The following TNFSF4 variants were observed in gnomAD, a reference collection of about 807,000 sequenced individuals.
The protein encoded by TNFSF4 is tumor necrosis factor ligand superfamily member 4.
In TNFSF4, 4 loss-of-function variants were observed where a neutral mutation model predicts 7.3. The observed-to-expected ratio is 0.55, with a 90% CI of 0.27 to 1.25. TNFSF4 has a LOEUF of 1.25. Ranked by LOEUF, TNFSF4 falls within the 50% of genes most tolerant of loss-of-function variation. The probability of loss-of-function intolerance (pLI) is 0.12; values close to 1 mark genes in which losing one functional copy is unlikely to be tolerated. For synonymous variants in TNFSF4, 76 were observed against 83.7 expected, an observed-to-expected ratio of 0.91 and a Z score of 0.50; for missense variants, 181 against 208.8, an observed-to-expected ratio of 0.87 and a Z score of 0.82.
At chr1:173,440,108 T>C in the TNFSF4 span, among the ~76,000 whole-genome samples, 1 of 152,172 alleles carries the variant, frequency 6.6e-6, no homozygotes, top group Non-Finnish European at 1.5e-5. Context: ...GCTTTTGGTC[T>C]AGGGCCTGGT....
chr1:173,232,228 C>G, the TNFSF4 span, among the ~76,000 whole-genome samples: 1 of 152,016 alleles, frequency 6.6e-6, no homozygotes, highest in Non-Finnish European at 1.5e-5. Context: ...CTCTTTGAAG[C>G]AATTGTGAAT....
chr1:173,260,680 G>T, the TNFSF4 span, among the ~76,000 whole-genome samples: 2 of 152,086 alleles, frequency 1.3e-5, no homozygotes, highest in African/African-American at 4.8e-5. Flanking sequence ...AAAAACAGGG[G>T]TCACAATCCC....
the TNFSF4 span, among the ~76,000 whole-genome samples, chr1:173,229,402 A>G: frequency 2.0e-5 from 3 of 152,354 alleles, no homozygotes; most frequent in Admixed American, 2.0e-4. Context: ...TGTCAGAACC[A>G]GGCCTGCCCG....
the TNFSF4 span, among the ~76,000 whole-genome samples, chr1:173,326,377 A>T: frequency 6.6e-6 from 1 of 152,236 alleles, no homozygotes; most frequent in Non-Finnish European, 1.5e-5. Flanking sequence ...CAAAATAATA[A>T]GAGCTATCCA....
the TNFSF4 span, among the ~76,000 whole-genome samples, chr1:173,255,081 A>G: frequency 1.3e-5 from 2 of 152,182 alleles, no homozygotes; most frequent in African/African-American, 4.8e-5. Context: ...CTCTTTTTCA[A>G]GTAACCTGTG....
At chr1:173,410,622 C>A in the TNFSF4 span, among the ~76,000 whole-genome samples, 1 of 152,316 alleles carries the variant, frequency 6.6e-6, no homozygotes, top group African/African-American at 2.4e-5. Context: ...AGGAAGCCCC[C>A]AGTGGTACCT....
chr1:173,318,159 G>A, the TNFSF4 span, among the ~76,000 whole-genome samples: 15 of 152,154 alleles, frequency 9.9e-5, no homozygotes, highest in Non-Finnish European at 2.1e-4. Flanking sequence ...AGAATCAGCC[G>A]GGCATGGTGG....
the TNFSF4 span, among the ~76,000 whole-genome samples, chr1:173,338,182 G>A: frequency 6.6e-6 from 1 of 152,168 alleles, no homozygotes; most frequent in African/African-American, 2.4e-5. Flanking sequence ...GAATCAGACA[G>A]CTACCTGGTG....
chr1:173,321,093 A>G, the TNFSF4 span, among the ~76,000 whole-genome samples: 17 of 152,372 alleles, frequency 1.1e-4, no homozygotes, highest in Admixed American at 1.0e-3. Context: ...ACAAGGCTAC[A>G]GTAACCAAAG....
the TNFSF4 span, among the ~76,000 whole-genome samples, chr1:173,251,349 T>C: frequency 6.6e-6 from 1 of 152,356 alleles, no homozygotes; most frequent in Middle Eastern, 3.4e-3. Context: ...AAAGAAATCT[T>C]GTTACAGAAA....
chr1:173,188,651 A>G lies in TNFSF4; in HGVS notation c.154-82T>C, dbSNP rs1279733901. ...CAAGTCATATTTAATGGAACAGTGA[A>G]GCAGAAATGCAGTAGCCTGTAGAGA... On this transcript the variant is annotated intron_variant, in intron 1 of 2. Coordinates refer to ENST00000281834, the MANE Select transcript of TNFSF4 (RefSeq NM_003326.5). 3 of 1,183,586 alleles carry G rather than the reference A, an allele frequency of 2.5e-6. No individual in the cohort carries two copies. In the East Asian group the frequency reaches 7.0e-5, roughly 28 times the overall value. 73.3% of individuals were successfully genotyped at this position (1,183,586 alleles called of 1,614,324 possible). A position where few individuals can be genotyped will look rare whatever the true frequency, so the allele number is the denominator to read the frequency against.
At chr1:173,268,501 C>T in the TNFSF4 span, among the ~76,000 whole-genome samples, 1 of 151,712 alleles carries the variant, frequency 6.6e-6, no homozygotes, top group African/African-American at 2.4e-5. Flanking sequence ...CACAGAAATA[C>T]CTAGAGCAAC....
chr1:173,254,284 ATATGAGTTCCC>A, the TNFSF4 span, among the ~76,000 whole-genome samples: 1 of 152,222 alleles, frequency 6.6e-6, no homozygotes, highest in Non-Finnish European at 1.5e-5. Context: ...ATAAAATAGA[ATATGAGTTCCC>A]ACTAGGCAAT....
the TNFSF4 span, among the ~76,000 whole-genome samples, chr1:173,212,909 T>A: frequency 6.6e-6 from 1 of 151,980 alleles, no homozygotes; most frequent in African/African-American, 2.4e-5. Flanking sequence ...AATAAATAAA[T>A]CTATTTCAGT....
the TNFSF4 span, among the ~76,000 whole-genome samples, chr1:173,308,295 GTGTGTGTGTGTGTGTGTC>G: frequency 6.9e-6 from 1 of 144,408 alleles, no homozygotes; most frequent in Non-Finnish European, 1.5e-5. Flanking sequence ...CTGTGTGTGT[GTGTGTGTGTGTGTGTGTC>G]TGTGTGTGTG....
the TNFSF4 span, among the ~76,000 whole-genome samples, chr1:173,416,300 G>A: frequency 6.6e-6 from 1 of 152,220 alleles, no homozygotes; most frequent in Non-Finnish European, 1.5e-5. Flanking sequence ...ATTTGCAAAG[G>A]AGACATCCTG....
the TNFSF4 span, among the ~76,000 whole-genome samples, chr1:173,411,049 C>T: frequency 6.6e-6 from 1 of 152,210 alleles, no homozygotes; most frequent in African/African-American, 2.4e-5. Flanking sequence ...TGATTTCCCC[C>T]TGCTGACACT....
chr1:173,176,350 T>G, the TNFSF4 span, among the ~76,000 whole-genome samples: 1 of 152,190 alleles, frequency 6.6e-6, no homozygotes, highest in African/African-American at 2.4e-5. Flanking sequence ...ATGAGGATAC[T>G]CTATCCCTCA....
the TNFSF4 span, among the ~76,000 whole-genome samples, chr1:173,376,355 C>G: frequency 3.9e-5 from 6 of 152,240 alleles, no homozygotes; most frequent in East Asian, 1.2e-3. Context: ...AACCAAACAC[C>G]ACATGTCCCC....
Sources: gnomAD v4.1 joint callset for allele counts (sites outside exome capture counted in the v4.1 genomes callset) on GRCh38, gnomAD v4.1.1 for gene constraint, MANE v1.5 for transcripts, NCBI Gene and HGNC (gene_info 2026-07-23, HGNC 2026-07-21) for gene names.